The following SPRED2 variants were observed in gnomAD, a reference collection of about 807,000 sequenced individuals.
SPRED2 encodes the protein sprouty related EVH1 domain containing 2.
SPRED2 carries 47 observed loss-of-function variants against 43.0 expected under a neutral mutation model. The observed-to-expected ratio is 1.09, with a 90% CI of 0.87 to 1.40. SPRED2 has a LOEUF of 1.40. Among genes scored for constraint, SPRED2 ranks in the 40% most tolerant of loss-of-function variants. SPRED2 has a pLI of 0.00. For synonymous variants in SPRED2, 225 were observed against 225.7 expected, an observed-to-expected ratio of 1.00 and a Z score of 0.03; for missense variants, 561 against 586.4, an observed-to-expected ratio of 0.96 and a Z score of 0.45.
chr2:65,366,155 T>G (rs1674966898), intron 1 of SPRED2, among the ~76,000 whole-genome samples: 1 of 152,146 alleles, frequency 6.6e-6, no homozygotes, highest in Admixed American at 6.5e-5. Flanking sequence ...AAATCCAACG[T>G]AACACAATAG....
At chr2:65,367,556 ATG>A (rs1000582715) in intron 1 of SPRED2, among the ~76,000 whole-genome samples, 8 of 152,206 alleles carry the variant, frequency 5.3e-5, no homozygotes, top group Non-Finnish European at 1.2e-4. Context: ...GCTACCACAC[ATG>A]TGAGTGTGGG....
At chr2:65,401,332 T>C (rs1353551015) in intron 1 of SPRED2, among the ~76,000 whole-genome samples, 1 of 152,118 alleles carries the variant, frequency 6.6e-6, no homozygotes, top group Non-Finnish European at 1.5e-5. Context: ...CTTGTTCAGT[T>C]TACCAGAAGC....
chr2:65,344,827 T>A lies in SPRED2; in HGVS notation c.96A>T (p.Pro32=), dbSNP rs777248983. The A allele has an allele frequency of 7.4e-6, 12 of 1,614,064 alleles. No individual in the cohort carries two copies. Among genetic ancestry groups the A allele is most frequent in the Non-Finnish European group, 1.0e-5 (12 of 1,180,048 alleles). Reference sequence around the variant, plus strand: ...CGCGACTGATCCCGCCTCCTTCCTGTGGGAACCATCCCCCGCTGGAGTCAT... The same window carrying A: ...CGCGACTGATCCCGCCTCCTTCCTGAGGGAACCATCCCCCGCTGGAGTCAT... The part of the protein sequence containing the change: ...TRDDSSGGWF[P]QEGGGISRVG... Residue 32 remains proline (P), a synonymous_variant, in exon 2 of 6, where the codon CCA becomes CCT. Coordinates refer to ENST00000356388, the MANE Select transcript of SPRED2 (RefSeq NM_181784.3).
At chr2:65,395,937 A>T (rs1675748923) in intron 1 of SPRED2, among the ~76,000 whole-genome samples, 1 of 152,016 alleles carries the variant, frequency 6.6e-6, no homozygotes, top group Non-Finnish European at 1.5e-5. Context: ...TTATCTCTTC[A>T]AATTACTCCT....
intron 1 of SPRED2, among the ~76,000 whole-genome samples, chr2:65,425,449 CA>C (rs1676535525): frequency 6.6e-6 from 1 of 152,142 alleles, no homozygotes; most frequent in Non-Finnish European, 1.5e-5. Context: ...AACATAAGCA[CA>C]ATTTGATAAT....
intron 1 of SPRED2, among the ~76,000 whole-genome samples, chr2:65,405,828 TCTC>T (rs1676011652): frequency 1.3e-5 from 2 of 152,186 alleles, no homozygotes; most frequent in Admixed American, 6.5e-5. Context: ...TACCAGCCCT[TCTC>T]CTCCCACCCA....
chr2:65,319,845 G>T (rs534549978), intron 4 of SPRED2, among the ~76,000 whole-genome samples: 1 of 152,222 alleles, frequency 6.6e-6, no homozygotes, highest in East Asian at 1.9e-4. Context: ...CCAGGCCATG[G>T]CAGCACAGTC....
intron 1 of SPRED2, among the ~76,000 whole-genome samples, chr2:65,413,046 T>G (rs1473254108): frequency 1.3e-5 from 2 of 152,208 alleles, no homozygotes; most frequent in African/African-American, 4.8e-5. Context: ...CACCTATAAG[T>G]GGGCTGATCC....
intron 1 of SPRED2, chr2:65,377,820 C>T: frequency 1.2e-5 from 5 of 413,976 alleles, no homozygotes; most frequent in South Asian, 3.5e-5. Context: ...GGGGCAGTCC[C>T]AGCACTTCTC....
chr2:65,352,032 A>G (rs1674527730), intron 1 of SPRED2, among the ~76,000 whole-genome samples: 1 of 152,252 alleles, frequency 6.6e-6, no homozygotes, highest in African/African-American at 2.4e-5. Flanking sequence ...ACACGCTATA[A>G]TGTCCCAGAA....
intron 1 of SPRED2, among the ~76,000 whole-genome samples, chr2:65,406,166 G>A (rs1676019468): frequency 3.3e-5 from 5 of 152,120 alleles, no homozygotes; most frequent in Admixed American, 2.6e-4. Flanking sequence ...TTATAAAAGC[G>A]AACCACCCCA....
rs1558685955 is a variant in SPRED2 at position 65,402,303 on chromosome 2, A to AC, written c.26+29658_26+29659insG. On this transcript the variant is annotated intron_variant, in intron 1 of 5. Coordinates refer to ENST00000356388, the MANE Select transcript of SPRED2 (RefSeq NM_181784.3). ...CAAAAAAAAAAAAAAAAAAAAAAAA[A>AC]AACCAAAAACAAAATAATGCTATTG... Among the ~76,000 whole-genome samples, 35 of 135,658 alleles carry AC rather than the reference A, an allele frequency of 2.6e-4. 2 individuals carry two copies. Among genetic ancestry groups the AC allele is most frequent in the East Asian group, 9.7e-4 (4 of 4,136 alleles). 89.0% of individuals were successfully genotyped at this position (135,658 alleles called of 152,430 possible).
At chr2:65,410,583 C>T (rs1676132285) in intron 1 of SPRED2, among the ~76,000 whole-genome samples, 1 of 151,966 alleles carries the variant, frequency 6.6e-6, no homozygotes, top group Non-Finnish European at 1.5e-5. Flanking sequence ...CATGGTGAGA[C>T]CCCGTCTTTA....
intron 3 of SPRED2, among the ~76,000 whole-genome samples, chr2:65,332,514 A>G (rs906699804): frequency 1.3e-5 from 2 of 152,224 alleles, no homozygotes; most frequent in East Asian, 1.9e-4. Context: ...TCACCTACCA[A>G]TGAAGGCATT....
chr2:65,408,848 G>A (rs960466151), intron 1 of SPRED2, among the ~76,000 whole-genome samples: 2 of 152,084 alleles, frequency 1.3e-5, no homozygotes, highest in African/African-American at 4.8e-5. Flanking sequence ...CAAAGTGCTG[G>A]GATTACAAGC....
chr2:65,410,866 G>A (rs1676141620), intron 1 of SPRED2, among the ~76,000 whole-genome samples: 1 of 152,192 alleles, frequency 6.6e-6, no homozygotes. Flanking sequence ...TCTATCGTGA[G>A]ACGGGAAGGA....
At chr2:65,330,565 T>A (rs1673779823) in intron 4 of SPRED2, among the ~76,000 whole-genome samples, 2 of 152,158 alleles carry the variant, frequency 1.3e-5, no homozygotes, top group Non-Finnish European at 2.9e-5. Context: ...AGTCCCCCAT[T>A]ATCAACATCC....
intron 4 of SPRED2, among the ~76,000 whole-genome samples, chr2:65,317,367 G>C (rs1673272111): frequency 6.6e-6 from 1 of 152,146 alleles, no homozygotes; most frequent in Non-Finnish European, 1.5e-5. Flanking sequence ...ACAAAAATTA[G>C]GCAGGCATGG....
intron 2 of SPRED2, among the ~76,000 whole-genome samples, chr2:65,343,894 C>T (rs1674259167): frequency 6.6e-6 from 1 of 152,014 alleles, no homozygotes; most frequent in Non-Finnish European, 1.5e-5. Context: ...TGCCTGTAAT[C>T]CCAGCATTTT....
Sources: gnomAD v4.1 joint callset for allele counts (sites outside exome capture counted in the v4.1 genomes callset) on GRCh38, gnomAD v4.1.1 for gene constraint, MANE v1.5 for transcripts, NCBI Gene and HGNC (gene_info 2026-07-23, HGNC 2026-07-21) for gene names.